TNRC6A: variants seen among roughly 807,000 people sequenced by gnomAD.
TNRC6A encodes the protein trinucleotide repeat-containing gene 6A protein.
A neutral mutation model predicts 221.2 loss-of-function variants in TNRC6A; 44 were observed. The ratio of observed to expected loss-of-function variants is 0.20; its 90% CI spans 0.16 to 0.26. TNRC6A has a LOEUF of 0.26. Among genes scored for constraint, TNRC6A ranks in the 10% least tolerant of loss-of-function variants. The pLI, the probability that TNRC6A is intolerant of heterozygous loss-of-function variation, is 1.00. For missense variants in TNRC6A, 2,199 were observed against 2,404.4 expected (o/e 0.91, Z 1.79); for synonymous variants, 847 against 838.5 (o/e 1.01, Z -0.18).
At chr16:24,804,661 G>A in intron 12 of TNRC6A, 44 bp from the exon 13 acceptor site, 1 of 1,538,866 alleles carries the variant, frequency 6.5e-7, no homozygotes. Flanking sequence ...CCTTCCACTT[G>A]TTTGCTTGGC....
At chr16:24,722,007 C>G (rs1294593838) in intron 2 of TNRC6A, among the ~76,000 whole-genome samples, 3 of 152,062 alleles carry the variant, frequency 2.0e-5, no homozygotes, top group African/African-American at 7.2e-5. Context: ...TGTGGGAGGA[C>G]AACAGGTGAG....
chr16:24,681,700 T>A lies in TNRC6A; in HGVS notation n.402+40691T>A, dbSNP rs77139693. Among the ~76,000 whole-genome samples, 1,411 of 152,294 alleles carry A rather than the reference T, an allele frequency of 9.3e-3. 29 individuals carry two copies. The highest frequency in any genetic ancestry group is 0.031 in the African/African-American group (1,283 of 41,556). The stretch of plus-strand genomic sequence containing the variant: ...TGAAAACAGGGCTTTTTCAGATTTA[T>A]TTGCTGCTCTATCCTTAGGGGCTAG... On this transcript the variant is annotated intron_variant and non_coding_transcript_variant, in intron 2 of 2. Transcript: ENST00000566108.
At chr16:24,683,862 A>T (rs1472800054) in intron 2 of TNRC6A, among the ~76,000 whole-genome samples, 2 of 152,224 alleles carry the variant, frequency 1.3e-5, no homozygotes, top group African/African-American at 2.4e-5. Context: ...ACTCACAGTG[A>T]ACTGTTGCTT....
chr16:24,652,349 A>G (rs1005511377), intron 2 of TNRC6A, among the ~76,000 whole-genome samples: 6 of 152,204 alleles, frequency 3.9e-5, no homozygotes, highest in Non-Finnish European at 8.8e-5. Context: ...GCAAATGTCA[A>G]AAGTAATTCT....
At chr16:24,624,534 A>C (rs1202832726) in intron 1 of TNRC6A, among the ~76,000 whole-genome samples, 1 of 152,194 alleles carries the variant, frequency 6.6e-6, no homozygotes, top group Non-Finnish European at 1.5e-5. Flanking sequence ...GCTGGAATGC[A>C]CTGGTGCAAT....
Position 24,789,913 on chromosome 16 carries a change from A to T in TNRC6A, c.1271A>T (p.Gln424Leu). 6.2e-7 allele frequency: 1 copy of T among 1,613,864 alleles called. No homozygotes were observed. The highest frequency in any genetic ancestry group is 1.1e-5 in the South Asian group (1 of 91,026). ...ACCCATGGTACCTGGGGAAGCCTTCAGGAAACTTGTGAATCTGAAGTAAGT... is the reference window on the plus strand; with the variant it reads ...ACCCATGGTACCTGGGGAAGCCTTCTGGAAACTTGTGAATCTGAAGTAAGT... ...GSTHGTWGSLQETCESEVSGT... is the reference protein window; with the variant it reads ...GSTHGTWGSLLETCESEVSGT... The change falls in exon 6 of 25, where the codon CAG becomes CTG. Residue 424 changes from glutamine to leucine, a missense_variant. Physicochemically the swap from Gln to Leu is moderately radical, Grantham distance 113 (BLOSUM62 -2). Coordinates refer to ENST00000395799, the MANE Select transcript of TNRC6A (RefSeq NM_014494.4).
At chr16:24,621,483 C>G in intron 1 of TNRC6A, among the ~76,000 whole-genome samples, 1 of 151,418 alleles carries the variant, frequency 6.6e-6, no homozygotes, top group East Asian at 2.0e-4. Flanking sequence ...CTCGGCCTCC[C>G]GAGTGGCTGG....
chr16:24,728,057 G>A (rs1385603008), upstream of TNRC6A, among the ~76,000 whole-genome samples: 1 of 152,138 alleles, frequency 6.6e-6, no homozygotes, highest in African/African-American at 2.4e-5. Flanking sequence ...GACTTTCTGT[G>A]CATTCATTCA....
At position 24,823,093 on chromosome 16, in the gene TNRC6A, C is replaced by G; in HGVS notation, c.5513+80C>G. The stretch of plus-strand genomic sequence containing the variant: ...GCACAGCCTGACCCGGGGCAGTGCA[C>G]AGGGTCCTGCGTGGGTGGCTCCTGC... On this transcript the variant is annotated intron_variant, in intron 24 of 24. Coordinates refer to ENST00000395799, the MANE Select transcript of TNRC6A (RefSeq NM_014494.4). The surrounding 1 kb of genome is among the most constrained non-coding windows in gnomAD (Gnocchi z 4.3). The G allele has an allele frequency of 6.3e-7, 1 of 1,586,990 alleles. No individual in the cohort carries two copies.
chr16:24,624,162 C>T (rs1018216231), intron 1 of TNRC6A, among the ~76,000 whole-genome samples: 2 of 152,104 alleles, frequency 1.3e-5, no homozygotes, highest in Non-Finnish European at 2.9e-5. Context: ...GGGTCACATC[C>T]GTCAGCAGGC....
At chr16:24,797,611 T>TG in intron 10 of TNRC6A, 41 bp downstream of exon 10, 1 of 1,422,414 alleles carries the variant, frequency 7.0e-7, no homozygotes. Context: ...CTTTTAATGG[T>TG]GGTCCATGAT....
intron 1 of TNRC6A, among the ~76,000 whole-genome samples, chr16:24,615,743 T>C (rs1900306983): frequency 6.6e-6 from 1 of 152,178 alleles, no homozygotes; most frequent in Non-Finnish European, 1.5e-5. Flanking sequence ...TTTCAAGTTG[T>C]AGCTGGGTGT....
chr16:24,752,011 G>A lies in TNRC6A; in HGVS notation c.141+1198G>A, dbSNP rs537413290. On this transcript the variant is annotated intron_variant, in intron 3 of 24. Transcript: ENST00000395799. Reference sequence around the variant, plus strand: ...GGGTTTTGCTTGGGGGAAAGGGAGGGAACCAAGGGTAGAACTCTGAAGAGT... The same window carrying A: ...GGGTTTTGCTTGGGGGAAAGGGAGGAAACCAAGGGTAGAACTCTGAAGAGT... Among the ~76,000 whole-genome samples the A allele has an allele frequency of 2.6e-5, 4 of 152,128 alleles. No individual in the cohort carries two copies. In the South Asian group the frequency reaches 8.3e-4, roughly 31 times the overall value.
chr16:24,684,316 G>A (rs2055586300), intron 2 of TNRC6A, among the ~76,000 whole-genome samples: 1 of 152,046 alleles, frequency 6.6e-6, no homozygotes, highest in Non-Finnish European at 1.5e-5. Context: ...GAGGTGGGAG[G>A]ATCACTTGGC....
rs1555502170 is a variant in TNRC6A at position 24,771,582 on chromosome 16, T to TTGTGATGTTATGTTATGTTA, written c.164-5348_164-5347insGATGTTATGTTATGTTATGT. ...ATGTTTTATGTTATGTTATGTTATG[T>TTGTGATGTTATGTTATGTTA]TGTTATGTTATGTTATGTTATGTTA... is the stretch of plus-strand genomic sequence containing the variant. On this transcript the variant is annotated intron_variant, in intron 4 of 24. Transcript: ENST00000395799. Among the ~76,000 whole-genome samples the TTGTGATGTTATGTTATGTTA allele has an allele frequency of 9.0e-3, 856 of 95,488 alleles. 14 individuals are homozygous for TTGTGATGTTATGTTATGTTA. Among genetic ancestry groups the TTGTGATGTTATGTTATGTTA allele is most frequent in the African/African-American group, 0.012 (275 of 23,016 alleles). 62.6% of individuals were successfully genotyped at this position (95,488 alleles called of 152,430 possible). A position where few individuals can be genotyped will look rare whatever the true frequency, so the allele number is the denominator to read the frequency against.
At position 24,789,501 on chromosome 16, in the gene TNRC6A, A is replaced by C; in HGVS notation, c.859A>C (p.Thr287Pro). The C allele has an allele frequency of 1.2e-6, 2 of 1,614,210 alleles. No homozygotes were observed. The highest frequency in any genetic ancestry group is 2.2e-5 in the East Asian group (1 of 44,882). The part of the protein sequence containing the change: ...GGEKDGLRNS[T>P]GLGSQNKFVV... ...TGAAAAAGATGGCCTTCGGAATAGC[A>C]CTGGACTTGGTTCCCAAAACAAGTT... Residue 287 changes from threonine (T) to proline (P), a missense_variant, in exon 6 of 25, where the codon ACT (threonine) becomes CCT (proline). This residue lies in a region of TNRC6A where 1,405 missense variants were observed against 1,400.2 expected (regional missense o/e 1.00). Transcript: ENST00000395799.
At chr16:24,631,815 G>C (rs532236309) in intron 1 of TNRC6A, among the ~76,000 whole-genome samples, 9 of 151,168 alleles carry the variant, frequency 6.0e-5, no homozygotes, top group African/African-American at 1.9e-4. Flanking sequence ...ACATCCTAGG[G>C]TTCAGTCTTC....
intron 2 of TNRC6A, among the ~76,000 whole-genome samples, chr16:24,660,022 C>T (rs1294998809): frequency 6.6e-6 from 1 of 151,950 alleles, no homozygotes; most frequent in Non-Finnish European, 1.5e-5. Context: ...GTCTTGGTGT[C>T]TGTTGGAAGC....
In TNRC6A at chr16:24,679,155, C is replaced by T. The variant is rs140978108; in HGVS notation, n.402+38146C>T. 3.2e-4 allele frequency among the ~76,000 whole-genome samples: 49 copies of T among 152,072 alleles called. 1 individual carries two copies. The highest frequency in any genetic ancestry group is 6.6e-5 in the Admixed American group (1 of 15,250). On this transcript the variant is annotated intron_variant and non_coding_transcript_variant, in intron 2 of 2. Coordinates refer to the TNRC6A transcript ENST00000566108. ...CTGGGATTACAGGCAAGCGCCACCA[C>T]GCCTAGCTAATTTTGTATTTTTAAT...
Sources: gnomAD v4.1 joint callset for allele counts (sites outside exome capture counted in the v4.1 genomes callset) on GRCh38, gnomAD v4.1.1 for gene constraint, gnomAD v4.1.1 regional missense constraint, Gnocchi (gnomAD v3.1) non-coding constraint, MANE v1.5 for transcripts, NCBI Gene and HGNC (gene_info 2026-07-23, HGNC 2026-07-21) for gene names.